The following CRB1 variants were observed in gnomAD, a reference collection of about 807,000 sequenced individuals.
CRB1 encodes protein crumbs homolog 1.
Under a neutral mutation model 120.0 loss-of-function variants are expected in CRB1, and 83 were observed. That is an observed-to-expected ratio of 0.69 (90% CI 0.58 to 0.83). The LOEUF (loss-of-function observed/expected upper bound fraction) is 0.83, where lower values mean the gene tolerates loss of function less well. CRB1 is among the 40% of genes least tolerant of loss of function. The probability of loss-of-function intolerance (pLI) is 0.00; values close to 1 mark genes in which losing one functional copy is unlikely to be tolerated. For synonymous variants in CRB1, 625 were observed against 612.5 expected (o/e 1.02, Z -0.30); for missense variants, 1,699 against 1,687.6 (o/e 1.01, Z -0.12).
chr1:197,324,966 C>A (rs1270703935), intron 1 of CRB1, among the ~76,000 whole-genome samples: 6 of 152,316 alleles, frequency 3.9e-5, no homozygotes, highest in African/African-American at 1.4e-4. Context: ...CTTATTTTAA[C>A]TGCTCCATGT....
the CRB1 span, among the ~76,000 whole-genome samples, chr1:197,235,825 A>G: frequency 7.5e-4 from 115 of 152,324 alleles, 2 homozygotes; most frequent in East Asian, 0.022. Flanking sequence ...CTTAAAACCT[A>G]TATGATCCAA....
At chr1:197,324,101 T>C (rs1191853609) in intron 1 of CRB1, among the ~76,000 whole-genome samples, 1 of 152,204 alleles carries the variant, frequency 6.6e-6, no homozygotes, top group African/African-American at 2.4e-5. Flanking sequence ...CAATGAATTT[T>C]GGCCAAAACC....
chr1:197,212,659 A>T, the CRB1 span, among the ~76,000 whole-genome samples: 2 of 152,172 alleles, frequency 1.3e-5, no homozygotes, highest in African/African-American at 2.4e-5. Flanking sequence ...ACTTTTGTTC[A>T]TTACTTTGAT....
At chr1:197,353,639 A>G (rs1179900425) in intron 4 of CRB1, among the ~76,000 whole-genome samples, 1 of 151,846 alleles carries the variant, frequency 6.6e-6, no homozygotes, top group African/African-American at 2.4e-5. Flanking sequence ...CGTCTCTACT[A>G]AACATGCAAA....
At chr1:197,277,197 C>G (rs933785364) in intron 1 of CRB1, among the ~76,000 whole-genome samples, 1 of 151,772 alleles carries the variant, frequency 6.6e-6, no homozygotes, top group Non-Finnish European at 1.5e-5. Flanking sequence ...AACCACTATC[C>G]CATTCTTGTG....
intron 5 of CRB1, among the ~76,000 whole-genome samples, chr1:197,371,925 C>T (rs1403778873): frequency 1.3e-5 from 2 of 152,072 alleles, no homozygotes; most frequent in African/African-American, 4.8e-5. Context: ...GCCTTGCATT[C>T]TTAGGATTCC....
rs145282040 is a variant in CRB1 at position 197,427,454 on chromosome 1, A to T, written c.2129A>T (p.Glu710Val). 87 of 1,613,022 alleles carry T rather than the reference A, an allele frequency of 5.4e-5. No homozygotes were observed. Among genetic ancestry groups the T allele is most frequent in the Non-Finnish European group, 7.2e-5 (85 of 1,179,630 alleles). The change falls in exon 7 of 12, where the codon GAG (glutamate) becomes GTG (valine). Residue 710 changes from glutamate (E) to valine (V), a missense_variant and splice_region_variant. Transcript: ENST00000367400. ...RPYEGPNCLREYVAGRFGQDD... is the reference protein window; with the variant it reads ...RPYEGPNCLRVYVAGRFGQDD... ...CTCCTCCTCTATTTTGACATTGAAG[A>T]GTATGTGGCAGGCAGATTTGGCCAG...
intron 5 of CRB1, among the ~76,000 whole-genome samples, chr1:197,375,376 G>C (rs1408249588): frequency 2.0e-5 from 3 of 152,144 alleles, no homozygotes; most frequent in African/African-American, 7.2e-5. Flanking sequence ...AGGAACAATA[G>C]CTTGATAAAT....
the CRB1 span, among the ~76,000 whole-genome samples, chr1:197,242,908 G>GT: frequency 6.6e-6 from 1 of 152,074 alleles, no homozygotes; most frequent in South Asian, 2.1e-4. Context: ...TTGGGAGGGT[G>GT]TATGTGTCCA....
chr1:197,215,275 A>AT, the CRB1 span, among the ~76,000 whole-genome samples: 24,741 of 130,968 alleles, frequency 0.19, 2,517 homozygotes, highest in Middle Eastern at 0.24. Context: ...CCAGTGGGAG[A>AT]TTTTTTTTTT....
chr1:197,230,609 C>G, the CRB1 span, among the ~76,000 whole-genome samples: 1 of 152,110 alleles, frequency 6.6e-6, no homozygotes, highest in East Asian at 1.9e-4. Context: ...CTTCTGGTTG[C>G]TCTTGCAGGT....
chr1:197,453,539 T>TATATATAGAGAGAGAGAG (rs1553266395), intron 11 of CRB1, among the ~76,000 whole-genome samples: 1 of 58,512 alleles, frequency 1.7e-5, no homozygotes, highest in African/African-American at 4.1e-5. Context: ...TATATATATA[T>TATATATAGAGAGAGAGAG]AGAGAGAGAG....
At chr1:197,409,125 G>T (rs924888901) in intron 5 of CRB1, among the ~76,000 whole-genome samples, 2 of 152,172 alleles carry the variant, frequency 1.3e-5, no homozygotes, top group African/African-American at 4.8e-5. Flanking sequence ...GGTCTGGAGA[G>T]TGTGTATATG....
the CRB1 span, among the ~76,000 whole-genome samples, chr1:197,253,800 C>T: frequency 6.6e-6 from 1 of 151,734 alleles, no homozygotes; most frequent in African/African-American, 2.4e-5. Context: ...CTTATAGTTT[C>T]ATTTGCCAAA....
At chr1:197,393,521 A>T (rs1166265048) in intron 5 of CRB1, among the ~76,000 whole-genome samples, 1 of 151,666 alleles carries the variant, frequency 6.6e-6, no homozygotes, top group South Asian at 2.1e-4. Context: ...AAAAGTAGTC[A>T]TTTTTTTTGA....
In CRB1 at chr1:197,375,806, G is replaced by GA. The variant is rs569106781; in HGVS notation, c.1171+18801dup. Among the ~76,000 whole-genome samples the GA allele has an allele frequency of 3.4e-4, 51 of 151,462 alleles. No homozygotes were observed. In the South Asian group the frequency reaches 5.4e-3, roughly 16 times the overall value. On this transcript the variant is annotated intron_variant, in intron 5 of 11. Coordinates refer to ENST00000367400, the MANE Select transcript of CRB1 (RefSeq NM_201253.3). Reference sequence around the variant, plus strand: ...AATTGGCTTGCCTATCTATCCTCTGGAAAAAAAATGCTCCTTAGAATGCAT... The same window carrying GA: ...AATTGGCTTGCCTATCTATCCTCTGGAAAAAAAAATGCTCCTTAGAATGCAT...
the CRB1 span, among the ~76,000 whole-genome samples, chr1:197,228,722 C>A: frequency 6.6e-6 from 1 of 152,148 alleles, no homozygotes; most frequent in Non-Finnish European, 1.5e-5. Context: ...ACGCCCTGCT[C>A]TACTGGTACC....
At chr1:197,362,815 A>G (rs890159200) in intron 5 of CRB1, among the ~76,000 whole-genome samples, 1 of 152,142 alleles carries the variant, frequency 6.6e-6, no homozygotes, top group Non-Finnish European at 1.5e-5. Flanking sequence ...TTGTTGGGTC[A>G]TGCTTTTTTA....
chr1:197,341,257 T>A (rs1659439690), intron 2 of CRB1, among the ~76,000 whole-genome samples: 1 of 152,214 alleles, frequency 6.6e-6, no homozygotes, highest in African/African-American at 2.4e-5. Context: ...AGGAGGATGA[T>A]CTGGGCCAGA....
Sources: gnomAD v4.1 joint callset for allele counts (sites outside exome capture counted in the v4.1 genomes callset) on GRCh38, gnomAD v4.1.1 for gene constraint, MANE v1.5 for transcripts, NCBI Gene and HGNC (gene_info 2026-07-23, HGNC 2026-07-21) for gene names.